RBPMS: variants seen among roughly 807,000 people sequenced by gnomAD.
RBPMS encodes RNA binding protein, mRNA processing factor.
In RBPMS, 7 loss-of-function variants were observed where a neutral mutation model predicts 26.8. That is an observed-to-expected ratio of 0.26 (90% CI 0.15 to 0.49). The LOEUF is 0.49. Among genes scored for constraint, RBPMS ranks in the 20% least tolerant of loss-of-function variants. The probability of loss-of-function intolerance (pLI) is 0.98; values close to 1 mark genes in which losing one functional copy is unlikely to be tolerated. For missense variants in RBPMS, 186 were observed against 250.0 expected (o/e 0.74, Z 1.73); for synonymous variants, 96 against 93.3 (o/e 1.03, Z -0.17).
At chr8:30,456,224 A>G (rs11996706) in intron 1 of RBPMS, among the ~76,000 whole-genome samples, 1,671 of 152,296 alleles carry the variant, frequency 0.011, 30 homozygotes, top group African/African-American at 0.038. Flanking sequence ...ATGACACTGC[A>G]AATAAAATCG....
At chr8:30,431,009 T>C (rs1047532683) in intron 1 of RBPMS, among the ~76,000 whole-genome samples, 1 of 152,212 alleles carries the variant, frequency 6.6e-6, no homozygotes, top group Non-Finnish European at 1.5e-5. Flanking sequence ...GTATTTTTAA[T>C]GTATGAAGCG....
chr8:30,567,271 G>A (rs911740112), intron 8 of RBPMS, among the ~76,000 whole-genome samples: 11 of 152,188 alleles, frequency 7.2e-5, no homozygotes, highest in South Asian at 6.2e-4. Context: ...TTCATACTCC[G>A]ACGATACCTC....
intron 6 of RBPMS, chr8:30,545,090 C>A: frequency 7.4e-7 from 1 of 1,359,022 alleles, no homozygotes; most frequent in Non-Finnish European, 9.6e-7. Context: ...AAAGGGAAAG[C>A]TTCCAGGGGG....
At position 30,520,258 on chromosome 8, in the gene RBPMS, T is replaced by G. The variant is rs571747679; in HGVS notation, c.397+15822T>G. On this transcript the variant is annotated intron_variant, in intron 5 of 8. Transcript: ENST00000397323. ...AAAAAGCAGGACAAATGCTTAATTC[T>G]TTTCCTTTCAGTGCAAATTTTCCGC... 1.3e-4 allele frequency among the ~76,000 whole-genome samples: 20 copies of G among 152,344 alleles called. 1 individual carries two copies. Among genetic ancestry groups the G allele is most frequent in the Admixed American group, 1.3e-3 (20 of 15,304 alleles).
At chr8:30,560,014 C>T (rs1585889708) in intron 7 of RBPMS, among the ~76,000 whole-genome samples, 2 of 152,126 alleles carry the variant, frequency 1.3e-5, no homozygotes, top group South Asian at 4.1e-4. Context: ...AAGAACAGGC[C>T]CCTGGTCAAC....
At chr8:30,421,174 T>TGG (rs1810744708) in intron 1 of RBPMS, among the ~76,000 whole-genome samples, 1 of 151,540 alleles carries the variant, frequency 6.6e-6, no homozygotes, top group African/African-American at 2.4e-5. Context: ...TGAGAGAGAG[T>TGG]GTGTGTGTGT....
At position 30,480,284 on chromosome 8, in the gene RBPMS, G is replaced by A. The variant is rs370976328; in HGVS notation, c.246+907G>A. 7.2e-5 allele frequency among the ~76,000 whole-genome samples: 11 copies of A among 152,298 alleles called. No individual in the cohort carries two copies. The East Asian group carries it at 7.7e-4, about 11-fold the overall frequency. The stretch of plus-strand genomic sequence containing the variant: ...ATTTTGGAGGCGTCTGGGAACTTGC[G>A]TCTGGCCTTTGTGTTGCTGTGGTAC... On this transcript the variant is annotated intron_variant, in intron 4 of 8. Coordinates refer to ENST00000397323, the MANE Select transcript of RBPMS (RefSeq NM_001008710.3).
At chr8:30,464,254 T>G (rs2150790490) in intron 1 of RBPMS, among the ~76,000 whole-genome samples, 1 of 152,358 alleles carries the variant, frequency 6.6e-6, no homozygotes, top group East Asian at 1.9e-4. Context: ...TTACATTCAC[T>G]CATTTAGTTG....
chr8:30,564,789 C>G (rs922377794), intron 7 of RBPMS: 26 of 152,564 alleles, frequency 1.7e-4, no homozygotes, highest in African/African-American at 6.3e-4. Context: ...AGAGCAATTC[C>G]TGGCCGGACT....
At chr8:30,531,707 T>G (rs979906416) in intron 5 of RBPMS, among the ~76,000 whole-genome samples, 2 of 152,222 alleles carry the variant, frequency 1.3e-5, no homozygotes, top group Admixed American at 1.3e-4. Flanking sequence ...AAGTCAACAG[T>G]GTGACTATTA....
intron 5 of RBPMS, among the ~76,000 whole-genome samples, chr8:30,506,258 A>G (rs1003528926): frequency 6.6e-6 from 1 of 151,758 alleles, no homozygotes. Context: ...CATACAGAAC[A>G]GTGCAAAAAT....
chr8:30,390,616 A>G (rs1807678061), intron 1 of RBPMS, among the ~76,000 whole-genome samples: 1 of 152,160 alleles, frequency 6.6e-6, no homozygotes, highest in African/African-American at 2.4e-5. Context: ...GCCAGGATTC[A>G]AGTTTTTCAG....
rs147208635 is a variant in RBPMS, at chr8:30,546,783, A to G, written c.528+2159A>G. On this transcript the variant is annotated intron_variant, in intron 6 of 8. Transcript: ENST00000397323. ...TTAAATGTATTTGTCCAGTATGAGA[A>G]TCAGAATGAACTAGTAGAGGCTTTA... Among the ~76,000 whole-genome samples the G allele has an allele frequency of 5.9e-5, 9 of 152,364 alleles. No individual in the cohort carries two copies. The East Asian group carries it at 1.7e-3, about 29-fold the overall frequency.
At chr8:30,436,962 G>A (rs1337562217) in intron 1 of RBPMS, among the ~76,000 whole-genome samples, 5 of 143,316 alleles carry the variant, frequency 3.5e-5, no homozygotes, top group Non-Finnish European at 6.0e-5. Flanking sequence ...TTGCTCTGTC[G>A]CCCAGGCTGG....
intron 7 of RBPMS, among the ~76,000 whole-genome samples, chr8:30,559,925 A>G (rs1006275503): frequency 6.6e-6 from 1 of 152,174 alleles, no homozygotes. Flanking sequence ...TTTTTGTACC[A>G]TTAATACTGA....
chr8:30,426,987 G>T (rs569838145), intron 1 of RBPMS, among the ~76,000 whole-genome samples: 2 of 152,092 alleles, frequency 1.3e-5, no homozygotes, highest in South Asian at 2.1e-4. Flanking sequence ...AAGGGGTCTC[G>T]CTTTGTTTCC....
intron 1 of RBPMS, among the ~76,000 whole-genome samples, chr8:30,449,938 AT>A (rs758425701): frequency 1.3e-5 from 2 of 152,252 alleles, no homozygotes; most frequent in Non-Finnish European, 2.9e-5. Context: ...AAAAATTACA[AT>A]TTACTTTTAG....
intron 4 of RBPMS, among the ~76,000 whole-genome samples, chr8:30,495,477 C>T (rs1563374311): frequency 6.6e-6 from 1 of 152,046 alleles, no homozygotes; most frequent in Non-Finnish European, 1.5e-5. Context: ...GGGTCTCTTT[C>T]TCCAAGTGCA....
intron 4 of RBPMS, among the ~76,000 whole-genome samples, chr8:30,495,198 C>A (rs1407816248): frequency 6.6e-6 from 1 of 151,816 alleles, no homozygotes; most frequent in African/African-American, 2.4e-5. Context: ...GAAACATATT[C>A]CTGTCTGTTA....
Sources: allele counts gnomAD v4.1 joint callset (sites outside exome capture counted in the v4.1 genomes callset), GRCh38; gene constraint gnomAD v4.1.1; transcripts MANE v1.5; gene names NCBI Gene and HGNC (gene_info 2026-07-23, HGNC 2026-07-21).